B4GALNT2: variants seen among roughly 807,000 people sequenced by gnomAD.
B4GALNT2 encodes the protein beta-1,4-N-acetyl-galactosaminyltransferase 2 (SID blood group).
B4GALNT2 carries 42 observed loss-of-function variants against 51.1 expected under a neutral mutation model. That is an observed-to-expected ratio of 0.82 (90% confidence interval 0.64 to 1.06). The LOEUF (loss-of-function observed/expected upper bound fraction) is 1.06. B4GALNT2 is among the 50% of genes least tolerant of loss of function. The pLI is 0.00. For synonymous variants in B4GALNT2, 253 were observed against 251.7 expected (o/e 1.01, Z -0.05); for missense variants, 602 against 633.6 (o/e 0.95, Z 0.54).
rs376911707 is a variant in B4GALNT2, at chr17:49,156,594, C to A, written c.489C>A (p.Pro163=). Residue 163 remains proline (P), a synonymous_variant, in exon 5 of 11, where the codon CCC becomes CCA. Coordinates refer to ENST00000393354, the MANE Select transcript of B4GALNT2 (RefSeq NM_001159387.2). ...PGLQFEGPDA[P]VYEVTLTASL... is the part of the protein sequence containing the mutation. ...TCCAGTTTGAAGGACCCGATGCCCCCGTCTATGAGGTGAGTCCTTCTCCCA... is the reference window on the plus strand; with the variant it reads ...TCCAGTTTGAAGGACCCGATGCCCCAGTCTATGAGGTGAGTCCTTCTCCCA... 9 of 1,613,640 alleles carry A rather than the reference C, an allele frequency of 5.6e-6. No individual in the cohort carries two copies. The highest frequency in any genetic ancestry group is 3.3e-4 in the Middle Eastern group (2 of 6,082).
chr17:49,174,933 A>T lies in B4GALNT2; in HGVS notation c.*5205A>T, dbSNP rs543343137. 6.6e-6 allele frequency: 1 copy of T among 152,178 alleles called. No individual in the cohort carries two copies. The highest frequency in any genetic ancestry group is 1.5e-5 in the Non-Finnish European group (1 of 68,028). The allele number at this position is 152,178 out of a possible 1,614,324, so 9.4% of individuals were successfully genotyped here. On this transcript the variant is annotated 3_prime_UTR_variant, in exon 11 of 11. Coordinates refer to ENST00000393354, the MANE Select transcript of B4GALNT2 (RefSeq NM_001159387.2). ...CATACGTTGACTTTGAGGGCTATACAATTGCTCTAGAATTAGAACTTGTGC... is the reference window on the plus strand; with the variant it reads ...CATACGTTGACTTTGAGGGCTATACTATTGCTCTAGAATTAGAACTTGTGC...
chr17:49,161,852 G>C (rs376687766), intron 7 of B4GALNT2, among the ~76,000 whole-genome samples: 1 of 150,050 alleles, frequency 6.7e-6, no homozygotes. Flanking sequence ...GCAAGACTCC[G>C]TCTCAAAAAC....
chr17:49,156,984 G>A (rs2042816701), intron 5 of B4GALNT2, among the ~76,000 whole-genome samples: 1 of 152,154 alleles, frequency 6.6e-6, no homozygotes, highest in South Asian at 2.1e-4. Context: ...AAGATCTTAT[G>A]GTGCTATATC....
At chr17:49,164,393 G>A in intron 8 of B4GALNT2, 118 bp downstream of exon 8, 6 of 880,826 alleles carry the variant, frequency 6.8e-6, no homozygotes, top group Admixed American at 2.4e-5. Context: ...CAGAGTCCAG[G>A]AGTGGGAGTG....
intron 1 of B4GALNT2, among the ~76,000 whole-genome samples, chr17:49,139,941 T>C (rs2042625904): frequency 6.6e-6 from 1 of 151,662 alleles, no homozygotes; most frequent in African/African-American, 2.4e-5. Context: ...AAATTACCAC[T>C]GTATTAGGGA....
At chr17:49,150,327 A>G in intron 3 of B4GALNT2, among the ~76,000 whole-genome samples, 1 of 129,542 alleles carries the variant, frequency 7.7e-6, no homozygotes, top group Non-Finnish European at 1.7e-5. Flanking sequence ...CCTGGCCAGC[A>G]GCCCCGTCCG....
At chr17:49,127,619 T>G (rs2144255181), upstream of B4GALNT2, among the ~76,000 whole-genome samples, 1 of 152,104 alleles carries the variant, frequency 6.6e-6, no homozygotes, top group Non-Finnish European at 1.5e-5. Flanking sequence ...CAGAAGAAGA[T>G]CCAGTAATTA....
the B4GALNT2 span, among the ~76,000 whole-genome samples, chr17:49,124,021 C>T: frequency 6.6e-6 from 1 of 152,162 alleles, no homozygotes; most frequent in Non-Finnish European, 1.5e-5. Context: ...TTTCCAAATT[C>T]TGGAGAAAAT....
chr17:49,166,007 T>G, intron 8 of B4GALNT2, 107 bp from the exon 9 acceptor site: 1 of 1,284,890 alleles, frequency 7.8e-7, no homozygotes, highest in Non-Finnish European at 1.1e-6. Flanking sequence ...TCTAATGGAA[T>G]TTGTCTGGAG....
At chr17:49,148,061 T>C in intron 3 of B4GALNT2, among the ~76,000 whole-genome samples, 1 of 152,114 alleles carries the variant, frequency 6.6e-6, no homozygotes, top group East Asian at 1.9e-4. Flanking sequence ...ATCCTAGCAC[T>C]TTGGGAGGCT....
the B4GALNT2 span, among the ~76,000 whole-genome samples, chr17:49,123,431 T>A: frequency 3.9e-5 from 6 of 152,362 alleles, no homozygotes; most frequent in Admixed American, 2.0e-4. Flanking sequence ...TTGAAAAACA[T>A]TTGGCAACAC....
At chr17:49,148,618 A>C in intron 3 of B4GALNT2, 9 of 526,158 alleles carry the variant, frequency 1.7e-5, no homozygotes, top group Non-Finnish European at 3.3e-5. Flanking sequence ...AAATGTCTCC[A>C]GGCAAACCGT....
chr17:49,153,292 G>T (rs2042777101), intron 4 of B4GALNT2, among the ~76,000 whole-genome samples: 1 of 152,062 alleles, frequency 6.6e-6, no homozygotes, highest in South Asian at 2.1e-4. Context: ...GTGGGCAACT[G>T]TAGTCCCAAC....
At chr17:49,155,810 G>A (rs1451600497) in intron 4 of B4GALNT2, among the ~76,000 whole-genome samples, 6 of 150,256 alleles carry the variant, frequency 4.0e-5, no homozygotes, top group Non-Finnish European at 8.9e-5. Context: ...TGCAAGCTCC[G>A]CCTCCCGGGT....
chr17:49,152,962 A>C, intron 4 of B4GALNT2, 56 bp downstream of exon 4: 1 of 1,471,120 alleles, frequency 6.8e-7, no homozygotes, highest in South Asian at 1.2e-5. Flanking sequence ...CTTCTAAGGC[A>C]AAAGGAGGGA....
At chr17:49,126,765 A>G in the B4GALNT2 span, among the ~76,000 whole-genome samples, 7 of 150,396 alleles carry the variant, frequency 4.7e-5, no homozygotes, top group South Asian at 2.1e-4. Context: ...GGTTCAAGCA[A>G]TTCTCACTGC....
Position 49,176,779 on chromosome 17 carries a change from C to G in B4GALNT2, c.*7051C>G, listed in dbSNP as rs970867453. ...CCTGTGGCCTAGGGTAGTTCAGGAT[C>G]ACTAAAAATGTGTTCTGTGATATAT... On this transcript the variant is annotated 3_prime_UTR_variant, in exon 11 of 11. Coordinates refer to ENST00000393354, the MANE Select transcript of B4GALNT2 (RefSeq NM_001159387.2). 3 of 152,162 alleles carry G rather than the reference C, an allele frequency of 2.0e-5. No homozygotes were observed. Among genetic ancestry groups the G allele is most frequent in the African/African-American group, 7.2e-5 (3 of 41,434 alleles). The allele number at this position is 152,162 out of a possible 1,614,324, so 9.4% of individuals were successfully genotyped here.
Position 49,166,165 on chromosome 17 carries a change from G to A in B4GALNT2, c.1006G>A (p.Val336Ile), listed in dbSNP as rs750865058. The change falls in exon 9 of 11, where the codon GTT becomes ATT. Residue 336 changes from valine (V) to isoleucine (I), a missense_variant. By Grantham distance (29) the Val-to-Ile change is conservative (BLOSUM62 3). Coordinates refer to ENST00000393354, the MANE Select transcript of B4GALNT2 (RefSeq NM_001159387.2). ...CATATCTCAGGTCACCACCAAATAC[G>A]TTCTCTGGGTGGACGATGATTTTCT... ...LAISQVTTKY[V>I]LWVDDDFLFN... The A allele has an allele frequency of 1.4e-5, 22 of 1,613,936 alleles. No individual in the cohort carries two copies. Among genetic ancestry groups the A allele is most frequent in the Middle Eastern group, 1.6e-4 (1 of 6,080 alleles).
chr17:49,140,725 C>CT (rs3086734), intron 1 of B4GALNT2, among the ~76,000 whole-genome samples: 101,043 of 130,998 alleles, frequency 0.77, 39,862 homozygotes, highest in South Asian at 0.83. Context: ...CATTACTAAC[C>CT]TTTTTTTTTT....
Sources: gnomAD v4.1 joint callset for allele counts (sites outside exome capture counted in the v4.1 genomes callset) on GRCh38, gnomAD v4.1.1 for gene constraint, MANE v1.5 for transcripts, NCBI Gene and HGNC (gene_info 2026-07-23, HGNC 2026-07-21) for gene names.